HSPG2: variants seen among roughly 807,000 people sequenced by gnomAD.
HSPG2 encodes the protein basement membrane-specific heparan sulfate proteoglycan core protein.
HSPG2 carries 278 observed loss-of-function variants against 526.6 expected under a neutral mutation model. The observed-to-expected ratio is 0.53, with a 90% CI of 0.48 to 0.58. The LOEUF (loss-of-function observed/expected upper bound fraction) is 0.58. Ranked by LOEUF, HSPG2 falls within the 20% of genes least tolerant of loss-of-function variation. The pLI, the probability that HSPG2 is intolerant of heterozygous loss-of-function variation, is 0.00. For synonymous variants in HSPG2, 2,465 were observed against 2,555.4 expected (o/e 0.96, Z 1.07); for missense variants, 5,354 against 6,099.5 (o/e 0.88, Z 4.07).
intron 80 of HSPG2, 155 bp downstream of exon 80, chr1:21,833,113 G>A: frequency 1.4e-6 from 1 of 713,610 alleles, no homozygotes; most frequent in Non-Finnish European, 2.5e-6. Flanking sequence ...GCACACCAGG[G>A]TGGAGGCCCA....
intron 1 of HSPG2, among the ~76,000 whole-genome samples, chr1:21,896,974 A>C (rs1181280130): frequency 6.6e-6 from 1 of 152,230 alleles, no homozygotes; most frequent in East Asian, 1.9e-4. Context: ...GAATGGGGAC[A>C]GGCGTGGTGT....
Position 21,864,654 on chromosome 1 carries a change from C to A in HSPG2, c.4626+189G>T, listed in dbSNP as rs145998135. 1.7e-3 allele frequency among the ~76,000 whole-genome samples: 261 copies of A among 152,364 alleles called. No individual in the cohort carries two copies. Among genetic ancestry groups the A allele is most frequent in the African/African-American group, 6.1e-3 (254 of 41,592 alleles). On this transcript the variant is annotated intron_variant, in intron 36 of 96. Transcript: ENST00000374695. The surrounding 1 kb of genome is among the most constrained non-coding windows in gnomAD (Gnocchi z 4.8). ...TTGGGACACACTCACCCCTCAGCAC[C>A]TCTATTTTTTTACCTGTTAAAGGGG... is the stretch of plus-strand genomic sequence containing the variant.
intron 1 of HSPG2, among the ~76,000 whole-genome samples, chr1:21,931,713 T>G (rs1251472270): frequency 6.6e-6 from 1 of 152,162 alleles, no homozygotes; most frequent in Non-Finnish European, 1.5e-5. Flanking sequence ...CTCTGAATCA[T>G]TGCTCCAGAT....
At chr1:21,937,055 C>T (rs1001129582) in intron 1 of HSPG2, 100 bp downstream of exon 1, 6 of 396,938 alleles carry the variant, frequency 1.5e-5, no homozygotes, top group Non-Finnish European at 2.1e-5. Flanking sequence ...GCCGCGCAGC[C>T]TTGGGCGCCC....
intron 29 of HSPG2, 115 bp from the exon 30 acceptor site, chr1:21,873,539 G>A: frequency 9.6e-7 from 1 of 1,037,164 alleles, no homozygotes; most frequent in South Asian, 1.3e-5. Flanking sequence ...GAAAAGAAGA[G>A]CCTGACTCGC....
chr1:21,852,591 G>A, intron 52 of HSPG2, 109 bp downstream of exon 52: 1 of 1,476,898 alleles, frequency 6.8e-7, no homozygotes, highest in Non-Finnish European at 9.4e-7. Context: ...CCTGCAGCCA[G>A]CTCCGGTGTG....
In HSPG2 at chr1:21,841,145, C is replaced by G; in HGVS notation, c.9469G>C (p.Glu3157Gln). The change falls in exon 71 of 97, where the codon GAG becomes CAG. Residue 3157 changes from glutamate to glutamine, a missense_variant. By Grantham distance (29) the Glu-to-Gln change is conservative. Transcript: ENST00000374695. ...TCCATGAGCCCATATGTCCGCTGCTCCAACTTGGCAGGGGTGCTGCTGATC... is the reference window on the plus strand; with the variant it reads ...TCCATGAGCCCATATGTCCGCTGCTGCAACTTGGCAGGGGTGCTGCTGATC... The part of the protein sequence containing the change: ...TRISSTPAKL[E>Q]QRTYGLMDSH... The G allele has an allele frequency of 1.2e-6, 2 of 1,613,642 alleles. No individual in the cohort carries two copies. The highest frequency in any genetic ancestry group is 1.7e-6 in the Non-Finnish European group (2 of 1,179,974).
intron 56 of HSPG2, 61 bp downstream of exon 56, chr1:21,850,302 G>A: frequency 6.2e-7 from 1 of 1,606,558 alleles, no homozygotes; most frequent in Non-Finnish European, 8.5e-7. Context: ...TCCTGCCGTT[G>A]CAAGAGTGGG....
intron 53 of HSPG2, 68 bp downstream of exon 53, chr1:21,852,020 C>G: frequency 1.2e-6 from 2 of 1,611,148 alleles, no homozygotes; most frequent in Non-Finnish European, 1.7e-6. Context: ...GCCAGCCCCT[C>G]AGCCTAGGGG....
chr1:21,914,960 C>T (rs139974410), intron 1 of HSPG2, among the ~76,000 whole-genome samples: 184 of 152,332 alleles, frequency 1.2e-3, no homozygotes, highest in African/African-American at 4.3e-3. Context: ...GCCACAGCCA[C>T]GGCCTCTGTC....
rs371541589 is a variant in HSPG2 at position 21,847,761 on chromosome 1, G to A, written c.7953C>T (p.Cys2651=). ...VVEGQTLDLN[C]VVARQPQAII... ...TAGCCTGGGGCTGCCTGGCGACCAC[G>A]CAGTTCAGATCCAAGGTCTGCCCTT... Residue 2651 remains cysteine, a synonymous_variant, in exon 61 of 97, where the codon TGC becomes TGT. Transcript: ENST00000374695. The surrounding 1 kb of genome is among the most constrained non-coding windows in gnomAD (Gnocchi z 4.1). The A allele has an allele frequency of 1.5e-5, 25 of 1,613,406 alleles. No homozygotes were observed. Among genetic ancestry groups the A allele is most frequent in the African/African-American group, 2.7e-5 (2 of 75,024 alleles).
intron 1 of HSPG2, among the ~76,000 whole-genome samples, chr1:21,909,168 C>T (rs895915430): frequency 1.3e-5 from 2 of 152,164 alleles, no homozygotes; most frequent in African/African-American, 2.4e-5. Flanking sequence ...TGCAGAGACC[C>T]GCTGAGCAAA....
rs375828008 is a variant in HSPG2, at chr1:21,824,811, G to A, written c.12590-32C>T. On this transcript the variant is annotated intron_variant, in intron 91 of 96. Coordinates refer to ENST00000374695, the MANE Select transcript of HSPG2 (RefSeq NM_005529.7). This position sits in a 1 kb window ranked among gnomAD's most constrained non-coding sequence, Gnocchi z 5.9. ...GAGAGAGGAGGGTGGTGCCATACCT[G>A]CTGCATCAGGCATCAAAATCCCCCG... The A allele has an allele frequency of 5.7e-6, 9 of 1,575,448 alleles. No homozygotes were observed. Among genetic ancestry groups the A allele is most frequent in the Non-Finnish European group, 7.8e-6 (9 of 1,152,570 alleles).
In HSPG2 at chr1:21,878,969, C is replaced by T. The variant is rs765929904; in HGVS notation, c.2471+25G>A. 11 of 1,609,986 alleles carry T rather than the reference C, an allele frequency of 6.8e-6. No individual in the cohort carries two copies. The Admixed American group carries it at 8.4e-5, about 12-fold the overall frequency. On this transcript the variant is annotated intron_variant, in intron 18 of 96. Coordinates refer to ENST00000374695, the MANE Select transcript of HSPG2 (RefSeq NM_005529.7). ...TGTTGCACTGTCCCCAGCCAAACCCCCCCTGACCCGGAGCTGGGGCTGACC... is the reference window on the plus strand; with the variant it reads ...TGTTGCACTGTCCCCAGCCAAACCCTCCCTGACCCGGAGCTGGGGCTGACC...
rs774689092 is a variant in HSPG2 at position 21,873,962 on chromosome 1, C to A, written c.3706G>T (p.Ala1236Ser). 1.2e-6 allele frequency: 2 copies of A among 1,605,994 alleles called. No homozygotes were observed. The highest frequency in any genetic ancestry group is 1.7e-5 in the Admixed American group (1 of 59,114). ...CGCCCACTGTGGCCTGGGGAGCACG[C>A]ATCACAGGTGGGGTGGCCGTCTGTG... is the stretch of plus-strand genomic sequence containing the variant. ...LDTDGHPTCD[A>S]CSPGHSGRHC... The change falls in exon 29 of 97, where the codon GCG (alanine) becomes TCG (serine). Residue 1236 changes from alanine to serine, a missense_variant. Coordinates refer to ENST00000374695, the MANE Select transcript of HSPG2 (RefSeq NM_005529.7).
At chr1:21,920,453 G>A (rs969731175) in intron 1 of HSPG2, among the ~76,000 whole-genome samples, 9 of 152,146 alleles carry the variant, frequency 5.9e-5, no homozygotes, top group African/African-American at 1.7e-4. Context: ...CCAGGCCTCC[G>A]GGCAGAGGCC....
intron 1 of HSPG2, among the ~76,000 whole-genome samples, chr1:21,925,762 C>T (rs1346664304): frequency 6.6e-6 from 1 of 152,168 alleles, no homozygotes; most frequent in South Asian, 2.1e-4. Context: ...CACAACAGGA[C>T]CCACTGAGGA....
chr1:21,824,615 G>A lies in HSPG2; in HGVS notation c.12666C>T (p.Ser4222=), dbSNP rs1181429383. 3 of 1,613,962 alleles carry A rather than the reference G, an allele frequency of 1.9e-6. No homozygotes were observed. In the Admixed American group the frequency reaches 5.0e-5, roughly 27 times the overall value. The change falls in exon 93 of 97, where the codon AGC becomes AGT. Residue 4222 remains serine, a splice_region_variant and synonymous_variant. Transcript: ENST00000374695. This position sits in a 1 kb window ranked among gnomAD's most constrained non-coding sequence, Gnocchi z 5.9. ...CGATGGTCTCGGGCACCTCGGGCAG[G>A]CTGCGGAGGAAGAGCGGGTGAGGGG... ...LAFPGHVFSR[S]LPEVPETIEL...
At chr1:21,891,616 TTTC>T (rs1041774581) in intron 3 of HSPG2, among the ~76,000 whole-genome samples, 2 of 129,312 alleles carry the variant, frequency 1.5e-5, no homozygotes, top group African/African-American at 7.9e-5. Context: ...GCATCTGTTG[TTTC>T]TTTTTTTTTT....
Sources: allele counts gnomAD v4.1 joint callset (sites outside exome capture counted in the v4.1 genomes callset), GRCh38; gene constraint gnomAD v4.1.1; non-coding constraint Gnocchi (gnomAD v3.1); transcripts MANE v1.5; gene names NCBI Gene and HGNC (gene_info 2026-07-23, HGNC 2026-07-21).